Variants in ABCA10 observed in about 807,000 individuals in gnomAD.
ABCA10 encodes the protein ATP-binding cassette sub-family A member 10.
ABCA10 carries 169 observed loss-of-function variants against 187.5 expected under a neutral mutation model. That is an observed-to-expected ratio of 0.90 (90% CI 0.80 to 1.02). The LOEUF (loss-of-function observed/expected upper bound fraction) is 1.02, where lower values mean the gene tolerates loss of function less well. Among genes scored for constraint, ABCA10 ranks in the 50% least tolerant of loss-of-function variants. The pLI is 0.00. For synonymous variants in ABCA10, 574 were observed against 601.8 expected (o/e 0.95, Z 0.68); for missense variants, 1,727 against 1,812.4 (o/e 0.95, Z 0.86).
chr17:69,156,593 G>A (rs2215148), intron 28 of ABCA10, among the ~76,000 whole-genome samples: 110,414 of 151,904 alleles, frequency 0.73, 40,465 homozygotes, highest in African/African-American at 0.77. Context: ...TCAGGGGTTT[G>A]AGACCAATCT....
chr17:69,208,648 G>A (rs902682528), intron 9 of ABCA10, among the ~76,000 whole-genome samples: 13 of 152,066 alleles, frequency 8.5e-5, no homozygotes, highest in African/African-American at 1.9e-4. Context: ...AAAGGATAAC[G>A]AATGATGGAC....
chr17:69,187,580 AAAC>A, intron 19 of ABCA10, 98 bp downstream of exon 19: 1 of 1,281,934 alleles, frequency 7.8e-7, no homozygotes, highest in Non-Finnish European at 1.0e-6. Flanking sequence ...ACATACAAAA[AAAC>A]TGTTAAATGA....
At chr17:69,243,193 G>A (rs117560629) in intron 1 of ABCA10, among the ~76,000 whole-genome samples, 3 of 152,208 alleles carry the variant, frequency 2.0e-5, no homozygotes, top group Non-Finnish European at 4.4e-5. Flanking sequence ...ATGTAGACAC[G>A]GTGAAAAAAT....
In ABCA10 at chr17:69,152,802, G is replaced by GTAAA. The variant is rs35681422; in HGVS notation, c.4137-325_4137-322dup. ...ACCCTGTGTCAAGTAATACAATTAA[G>GTAAA]TAAATAAATAAATAAATAAATAAAT... On this transcript the variant is annotated intron_variant, in intron 34 of 38. Transcript: ENST00000690296. Among the ~76,000 whole-genome samples, 423 of 149,748 alleles carry GTAAA rather than the reference G, an allele frequency of 2.8e-3. 1 individual carries two copies. The highest frequency in any genetic ancestry group is 7.0e-3 in the Middle Eastern group (2 of 284).
At chr17:69,194,575 A>T in intron 11 of ABCA10, 80 bp from the exon 12 acceptor site, 1 of 861,126 alleles carries the variant, frequency 1.2e-6, no homozygotes, top group Non-Finnish European at 1.8e-6. Flanking sequence ...AAAGTAAAAT[A>T]TATCTCAGCA....
intron 16 of ABCA10, among the ~76,000 whole-genome samples, 200 bp from the exon 17 acceptor site, chr17:69,191,515 T>C (rs1243961548): frequency 6.6e-6 from 1 of 152,222 alleles, no homozygotes; most frequent in East Asian, 1.9e-4. Context: ...CTATTTTGCA[T>C]TATTTCAAAT....
intron 20 of ABCA10, 151 bp downstream of exon 20, chr17:69,185,325 TA>T: frequency 4.0e-6 from 3 of 743,372 alleles, no homozygotes; most frequent in Non-Finnish European, 4.0e-6. Flanking sequence ...TAAAAAATAT[TA>T]AAAAAGAAAA....
At chr17:69,184,892 C>CAT (rs1178504105) in intron 20 of ABCA10, among the ~76,000 whole-genome samples, 13 of 145,988 alleles carry the variant, frequency 8.9e-5, no homozygotes, top group Non-Finnish European at 1.5e-4. Flanking sequence ...CACACACACA[C>CAT]ATACATATAT....
rs1598087339 is a variant in ABCA10, at chr17:69,158,409, AC to A, written c.3364-1487del. ...AGGTAAACTGATATAAGATAATTGT[AC>A]AAGAATTTTATATTTTTGTATAGAA... On this transcript the variant is annotated intron_variant, in intron 27 of 38. Coordinates refer to ENST00000690296, the MANE Select transcript of ABCA10 (RefSeq NM_001377321.1). Among the ~76,000 whole-genome samples, 3 of 152,172 alleles carry A rather than the reference AC, an allele frequency of 2.0e-5. No homozygotes were observed. In the East Asian group the frequency reaches 5.8e-4, roughly 29 times the overall value.
chr17:69,219,695 G>T lies in ABCA10; in HGVS notation c.380C>A (p.Ser127Tyr). ...GINMKIPPFI[S>Y]KGEIMNEWFH... ...CCATTCATTCATAATTTCTCCCTTA[G>T]AAATGAAAGGTGGTATCTTCATATT... Residue 127 changes from serine (S) to tyrosine (Y), a missense_variant, in exon 6 of 39, where the codon TCT (serine) becomes TAT (tyrosine). By Grantham distance (144) the Ser-to-Tyr change is moderately radical. Coordinates refer to ENST00000690296, the MANE Select transcript of ABCA10 (RefSeq NM_001377321.1). The T allele has an allele frequency of 6.2e-7, 1 of 1,611,526 alleles. No homozygotes were observed. The highest frequency in any genetic ancestry group is 8.5e-7 in the Non-Finnish European group (1 of 1,178,652).
At chr17:69,157,361 G>A (rs1410818365) in intron 27 of ABCA10, among the ~76,000 whole-genome samples, 1 of 152,128 alleles carries the variant, frequency 6.6e-6, no homozygotes. Context: ...TCTTCCCCAA[G>A]TAAGGGGTAG....
chr17:69,223,539 G>A (rs1456548507), intron 3 of ABCA10: 2 of 323,666 alleles, frequency 6.2e-6, no homozygotes, highest in Admixed American at 9.0e-5. Context: ...TATGTATTAT[G>A]TTCTAAAAAT....
In ABCA10 at chr17:69,182,178, T is replaced by G. The variant is rs1239004119; in HGVS notation, c.2744A>C (p.Gln915Pro). The G allele has an allele frequency of 6.3e-7, 1 of 1,586,636 alleles. No individual in the cohort carries two copies. Among genetic ancestry groups the G allele is most frequent in the South Asian group, 1.2e-5 (1 of 86,452 alleles). ...ACGAGAAAATGAAGTGCTCTCCATTTGAATAAGCTCCGTGAAGTTAAAAAT... is the reference window on the plus strand; with the variant it reads ...ACGAGAAAATGAAGTGCTCTCCATTGGAATAAGCTCCGTGAAGTTAAAAAT... ...MGIFNFTELI[Q>P]MESTSFSRDD... The change falls in exon 22 of 39, where the codon CAA becomes CCA. Residue 915 changes from glutamine to proline, a missense_variant. Coordinates refer to ENST00000690296, the MANE Select transcript of ABCA10 (RefSeq NM_001377321.1).
At chr17:69,177,531 C>T (rs536880263) in intron 22 of ABCA10, among the ~76,000 whole-genome samples, 1 of 152,222 alleles carries the variant, frequency 6.6e-6, no homozygotes, top group Non-Finnish European at 1.5e-5. Context: ...CATTTGAATC[C>T]TTCACCATTG....
At chr17:69,158,302 A>G (rs2074189395) in intron 27 of ABCA10, among the ~76,000 whole-genome samples, 1 of 152,006 alleles carries the variant, frequency 6.6e-6, no homozygotes, top group African/African-American at 2.4e-5. Context: ...ATAAAAATAT[A>G]ATTATTTCAT....
chr17:69,196,798 G>T (rs2074507391), intron 11 of ABCA10, among the ~76,000 whole-genome samples: 1 of 152,184 alleles, frequency 6.6e-6, no homozygotes, highest in African/African-American at 2.4e-5. Flanking sequence ...ATCACTCGCG[G>T]TTAGGAGCTG....
At chr17:69,232,090 TATCTTTTTCC>T (rs1213715387), upstream of ABCA10, among the ~76,000 whole-genome samples, 1 of 152,132 alleles carries the variant, frequency 6.6e-6, no homozygotes, top group African/African-American at 2.4e-5. Context: ...GTGCATAAAA[TATCTTTTTCC>T]ATCTCTTCAT....
intron 27 of ABCA10, among the ~76,000 whole-genome samples, chr17:69,162,840 T>TATACATATACATAGACATATACATATAC (rs67276822): frequency 7.2e-6 from 1 of 138,730 alleles, no homozygotes; most frequent in African/African-American, 2.6e-5. Flanking sequence ...TACATATACA[T>TATACATATACATAGACATATACATATAC]ATATATATAT....
At chr17:69,207,028 T>C (rs1568068383) in intron 9 of ABCA10, among the ~76,000 whole-genome samples, 1 of 152,098 alleles carries the variant, frequency 6.6e-6, no homozygotes. Flanking sequence ...ATACAAAATA[T>C]ACAGCAAACT....
Sources: allele counts gnomAD v4.1 joint callset (sites outside exome capture counted in the v4.1 genomes callset), GRCh38; gene constraint gnomAD v4.1.1; transcripts MANE v1.5; gene names NCBI Gene and HGNC (gene_info 2026-07-23, HGNC 2026-07-21).